Variants in NEDD9 observed in about 807,000 individuals in gnomAD.
NEDD9 encodes enhancer of filamentation 1.
Under a neutral mutation model 76.6 loss-of-function variants are expected in NEDD9, and 26 were observed. The observed-to-expected ratio is 0.34, with a 90% confidence interval of 0.25 to 0.47. NEDD9 has a LOEUF of 0.47. Ranked by LOEUF, NEDD9 falls within the 20% of genes least tolerant of loss-of-function variation. The probability of loss-of-function intolerance (pLI) is 1.00; values close to 1 mark genes in which losing one functional copy is unlikely to be tolerated. For missense variants in NEDD9, 937 were observed against 1,058.5 expected (o/e 0.89, Z 1.59); for synonymous variants, 392 against 414.2 (o/e 0.95, Z 0.65).
At chr6:11,234,760 G>A (rs1286207514), upstream of NEDD9, among the ~76,000 whole-genome samples, 1 of 149,396 alleles carries the variant, frequency 6.7e-6, no homozygotes, top group Non-Finnish European at 1.5e-5. Context: ...TTGTTGCCCA[G>A]GCTGGAGTGC....
At chr6:11,336,643 CTT>C (rs1194892630) in intron 1 of NEDD9, among the ~76,000 whole-genome samples, 5 of 152,178 alleles carry the variant, frequency 3.3e-5, no homozygotes, top group Non-Finnish European at 1.5e-5. Context: ...CTACTGTAGA[CTT>C]TATAAATACT....
chr6:11,362,320 G>A (rs1762693241), intron 1 of NEDD9, among the ~76,000 whole-genome samples: 1 of 152,198 alleles, frequency 6.6e-6, no homozygotes, highest in South Asian at 2.1e-4. Context: ...AAGCCGCCTA[G>A]TCTATAGTAC....
intron 3 of NEDD9, among the ~76,000 whole-genome samples, chr6:11,245,398 T>C (rs1759788026): frequency 6.6e-6 from 1 of 152,230 alleles, no homozygotes; most frequent in African/African-American, 2.4e-5. Context: ...GCGGCAGTGT[T>C]TTGTCTACCT....
chr6:11,327,837 G>A (rs1761961156), intron 2 of NEDD9, among the ~76,000 whole-genome samples: 1 of 152,216 alleles, frequency 6.6e-6, no homozygotes, highest in Non-Finnish European at 1.5e-5. Context: ...CCTGGCTTAA[G>A]TCGTCTTAAT....
intron 1 of NEDD9, among the ~76,000 whole-genome samples, chr6:11,355,695 C>T (rs1350868837): frequency 4.0e-5 from 6 of 151,650 alleles, no homozygotes; most frequent in Non-Finnish European, 2.9e-5. Context: ...CTTTTCAAAC[C>T]ATATTTTTGA....
At chr6:11,368,719 T>C (rs1762809603) in intron 1 of NEDD9, among the ~76,000 whole-genome samples, 1 of 152,252 alleles carries the variant, frequency 6.6e-6, no homozygotes, top group African/African-American at 2.4e-5. Flanking sequence ...GGGGTGAATT[T>C]AACTGGATCA....
intron 6 of NEDD9, 117 bp from the exon 7 acceptor site, chr6:11,185,788 T>A: frequency 8.1e-7 from 1 of 1,232,796 alleles, no homozygotes; most frequent in Non-Finnish European, 1.1e-6. Flanking sequence ...GTCAGATGCA[T>A]GTGAGCTGTA....
chr6:11,291,267 G>GTTTTTTTTTTTTTTTTTT lies in NEDD9; in HGVS notation c.12+14707_12+14724dup, dbSNP rs869185428. On this transcript the variant is annotated intron_variant, in intron 3 of 3. Transcript: ENST00000397378. ...GAGCACAGGGCAGAAATAGAATGAG[G>GTTTTTTTTTTTTTTTTTT]TTTTTTTTTTTTTTTTTTTTTTTTT... Among the ~76,000 whole-genome samples the GTTTTTTTTTTTTTTTTTT allele has an allele frequency of 2.7e-4, 26 of 95,830 alleles. 3 individuals are homozygous for GTTTTTTTTTTTTTTTTTT. Among genetic ancestry groups the GTTTTTTTTTTTTTTTTTT allele is most frequent in the African/African-American group, 1.1e-3 (21 of 19,824 alleles). The allele number at this position is 95,830 out of a possible 152,430, so 62.9% of individuals were successfully genotyped here.
chr6:11,361,286 A>G (rs1367591766), intron 1 of NEDD9, among the ~76,000 whole-genome samples: 2 of 152,140 alleles, frequency 1.3e-5, no homozygotes, highest in Non-Finnish European at 2.9e-5. Context: ...TTGCACTGCT[A>G]TAAGGAAATG....
chr6:11,237,119 C>T (rs1408998981), upstream of NEDD9, among the ~76,000 whole-genome samples: 9 of 152,286 alleles, frequency 5.9e-5, no homozygotes, highest in Admixed American at 2.6e-4. This position sits in a 1 kb window ranked among gnomAD's most constrained non-coding sequence, Gnocchi z 4.9. Flanking sequence ...CTGCCCACCT[C>T]GCCCTTTCAG....
chr6:11,296,545 G>A (rs901807471), intron 3 of NEDD9, among the ~76,000 whole-genome samples: 22 of 152,238 alleles, frequency 1.4e-4, no homozygotes, highest in African/African-American at 4.8e-4. Flanking sequence ...GTAAATACAC[G>A]GTGTGGATAA....
chr6:11,213,347 T>C lies in NEDD9; in HGVS notation c.393A>G (p.Val131=), dbSNP rs1035692131. 1 of 1,614,054 alleles carries C rather than the reference T, an allele frequency of 6.2e-7. No homozygotes were observed. Among genetic ancestry groups the C allele is most frequent in the Non-Finnish European group, 8.5e-7 (1 of 1,180,040 alleles). The part of the protein sequence containing the change: ...PTGHGTQEQE[V]YQVPPSVQRS... ...TCTGCACTGATGGTGGCACCTGATA[T>C]ACCTCTTGTTCTTGGGTGCCGTGGC... The change falls in exon 2 of 7, where the codon GTA becomes GTG. Residue 131 remains valine (V), a synonymous_variant. Transcript: ENST00000379446. This position sits in a 1 kb window ranked among gnomAD's most constrained non-coding sequence, Gnocchi z 5.4.
chr6:11,292,650 A>G (rs571982590), intron 3 of NEDD9, among the ~76,000 whole-genome samples: 2 of 152,364 alleles, frequency 1.3e-5, no homozygotes, highest in African/African-American at 4.8e-5. Flanking sequence ...ATAAAATGAC[A>G]TCTCAAAAAG....
chr6:11,344,839 C>A (rs2113526409), intron 1 of NEDD9, among the ~76,000 whole-genome samples: 1 of 152,232 alleles, frequency 6.6e-6, no homozygotes, highest in Admixed American at 6.5e-5. Context: ...CTTTCTTTTC[C>A]CCTACTCTCC....
intron 3 of NEDD9, among the ~76,000 whole-genome samples, chr6:11,283,528 A>G (rs894581842): frequency 6.6e-6 from 1 of 152,200 alleles, no homozygotes; most frequent in Non-Finnish European, 1.5e-5. Flanking sequence ...AGACCATTAG[A>G]TTCCAGAGTT....
intron 2 of NEDD9, among the ~76,000 whole-genome samples, chr6:11,314,024 G>T (rs1432767647): frequency 1.3e-5 from 2 of 152,096 alleles, no homozygotes; most frequent in African/African-American, 4.8e-5. Context: ...TTTTTTTCTA[G>T]TAAAGGAACT....
intron 2 of NEDD9, among the ~76,000 whole-genome samples, chr6:11,325,819 C>A (rs973896991): frequency 6.6e-6 from 1 of 152,174 alleles, no homozygotes; most frequent in Non-Finnish European, 1.5e-5. Context: ...CATTTTTAAT[C>A]TCCCAGTCTA....
chr6:11,348,224 G>A lies in NEDD9; in HGVS notation c.-213-13663C>T, dbSNP rs377077676. Among the ~76,000 whole-genome samples, 286 of 152,268 alleles carry A rather than the reference G, an allele frequency of 1.9e-3. 3 individuals carry two copies. The highest frequency in any genetic ancestry group is 6.4e-3 in the African/African-American group (265 of 41,552). On this transcript the variant is annotated intron_variant, in intron 1 of 3. Transcript: ENST00000397378. ...AAATACCTAGGAAACAGCTAACCAC[G>A]GAGGTGAAAGATCTCTGCAATGAGA...
intron 2 of NEDD9, among the ~76,000 whole-genome samples, chr6:11,307,099 G>A (rs1369739074): frequency 6.6e-6 from 1 of 152,210 alleles, no homozygotes; most frequent in African/African-American, 2.4e-5. Context: ...TCAAGAATAA[G>A]TAAGAGGTTG....
Sources: gnomAD v4.1 joint callset for allele counts (sites outside exome capture counted in the v4.1 genomes callset) on GRCh38, gnomAD v4.1.1 for gene constraint, Gnocchi (gnomAD v3.1) non-coding constraint, MANE v1.5 for transcripts, NCBI Gene and HGNC (gene_info 2026-07-23, HGNC 2026-07-21) for gene names.